Variants in EVC observed in about 807,000 individuals in gnomAD.
EVC encodes the protein evC complex member EVC.
A neutral mutation model predicts 118.9 loss-of-function variants in EVC; 116 were observed. The ratio of observed to expected loss-of-function variants is 0.98; its 90% CI spans 0.84 to 1.14. EVC has a LOEUF of 1.14. Ranked by LOEUF, EVC falls within the 50% of genes most tolerant of loss-of-function variation. EVC has a pLI of 0.00. For synonymous variants in EVC, 619 were observed against 534.7 expected, an observed-to-expected ratio of 1.16 and a Z score of -2.18; for missense variants, 1,401 against 1,246.4, an observed-to-expected ratio of 1.12 and a Z score of -1.87.
At chr4:5,810,096 C>T (rs1363416750) in intron 19 of EVC, among the ~76,000 whole-genome samples, 1 of 152,232 alleles carries the variant, frequency 6.6e-6, no homozygotes, top group Admixed American at 6.5e-5. Flanking sequence ...GGGAGCCTAG[C>T]AGACTGGAGC....
chr4:5,823,247 C>CTAT, the EVC span, among the ~76,000 whole-genome samples: 1 of 152,204 alleles, frequency 6.6e-6, no homozygotes, highest in Non-Finnish European at 1.5e-5. Context: ...CATGATTTGT[C>CTAT]TATGTAAGCC....
At chr4:5,728,159 T>G (rs1726174007) in intron 2 of EVC, among the ~76,000 whole-genome samples, 1 of 152,248 alleles carries the variant, frequency 6.6e-6, no homozygotes, top group Non-Finnish European at 1.5e-5. Context: ...TAAATTACCT[T>G]GGGCAGTATG....
intron 11 of EVC, among the ~76,000 whole-genome samples, chr4:5,772,356 G>A (rs1358164768): frequency 1.5e-5 from 2 of 135,766 alleles, no homozygotes; most frequent in Non-Finnish European, 3.2e-5. Context: ...GGAGAGAAGA[G>A]TCGTTCAAGA....
intron 11 of EVC, among the ~76,000 whole-genome samples, chr4:5,783,232 G>A (rs1010687190): frequency 1.3e-5 from 2 of 152,116 alleles, no homozygotes; most frequent in Non-Finnish European, 2.9e-5. Flanking sequence ...AAGTGTGCAT[G>A]TGTTCCTGTG....
chr4:5,759,940 G>A (rs1371759409), intron 11 of EVC, among the ~76,000 whole-genome samples: 3 of 151,022 alleles, frequency 2.0e-5, no homozygotes, highest in Non-Finnish European at 4.4e-5. Flanking sequence ...GAAGTACATT[G>A]GTTCGGTCAG....
intron 5 of EVC, among the ~76,000 whole-genome samples, chr4:5,733,853 C>G (rs1208615781): frequency 2.6e-5 from 4 of 152,224 alleles, no homozygotes; most frequent in Non-Finnish European, 5.9e-5. Flanking sequence ...TCAGCACAAC[C>G]CAGAGGGGCG....
intron 13 of EVC, among the ~76,000 whole-genome samples, chr4:5,794,335 TTATATACTTA>T (rs1173288868): frequency 2.3e-4 from 25 of 110,524 alleles, no homozygotes; most frequent in East Asian, 1.4e-3. Context: ...TTATATATAT[TTATATACTTA>T]TATATATATT....
At chr4:5,725,288 G>A (rs1220507300) in intron 2 of EVC, among the ~76,000 whole-genome samples, 1 of 152,170 alleles carries the variant, frequency 6.6e-6, no homozygotes, top group Non-Finnish European at 1.5e-5. Context: ...AGCTCTTTGA[G>A]GAATCGCCAC....
At chr4:5,773,002 G>T (rs1386396745) in intron 11 of EVC, among the ~76,000 whole-genome samples, 1 of 152,122 alleles carries the variant, frequency 6.6e-6, no homozygotes, top group Non-Finnish European at 1.5e-5. Flanking sequence ...GCCACAGCCT[G>T]GGGGGAGCAT....
At chr4:5,799,761 G>A (rs1392889011) in intron 15 of EVC, among the ~76,000 whole-genome samples, 1 of 152,200 alleles carries the variant, frequency 6.6e-6, no homozygotes, top group African/African-American at 2.4e-5. Context: ...CACTTTGCGT[G>A]TCTGTGCAGC....
intron 12 of EVC, among the ~76,000 whole-genome samples, chr4:5,787,212 C>A (rs992797511): frequency 6.6e-6 from 1 of 152,244 alleles, no homozygotes; most frequent in South Asian, 2.1e-4. Context: ...TTTCTGCTCT[C>A]AGTCCCCTTG....
chr4:5,820,349 C>CA, the EVC span, among the ~76,000 whole-genome samples: 1 of 80,364 alleles, frequency 1.2e-5, no homozygotes, highest in African/African-American at 2.3e-4. Context: ...CTATTACTAA[C>CA]AACAGCTAAT....
chr4:5,729,327 C>T lies in EVC; in HGVS notation c.321C>T (p.Asn107=), dbSNP rs757180182. The T allele has an allele frequency of 1.9e-6, 3 of 1,614,056 alleles. No homozygotes were observed. Among genetic ancestry groups the T allele is most frequent in the Non-Finnish European group, 2.5e-6 (3 of 1,180,042 alleles). The change falls in exon 3 of 21, where the codon AAC becomes AAT. Residue 107 remains asparagine (N), a synonymous_variant. Transcript: ENST00000264956. ...EAVDECEPPS[N]SNITAFALKA... is the part of the protein sequence containing the mutation. ...CCCAGGAATGTGAGCCGCCTTCCAA[C>T]AGCAATATCACAGCATTCGCCCTGA...
chr4:5,741,615 G>C lies in EVC; in HGVS notation c.703-101G>C, dbSNP rs1728586687. ...GGTGAAAGAGAAGAAAAGAAGGAGA[G>C]AGGCAGTGGGGGAGGGAGGGAGAAG... On this transcript the variant is annotated intron_variant, in intron 5 of 20. Transcript: ENST00000264956. The C allele has an allele frequency of 7.3e-6, 5 of 686,490 alleles. No homozygotes were observed. In the East Asian group the frequency reaches 1.4e-4, roughly 19 times the overall value. 42.5% of individuals were successfully genotyped at this position (686,490 alleles called of 1,614,324 possible).
the EVC span, chr4:5,826,352 G>C: frequency 4.1e-3 from 630 of 153,058 alleles, 1 homozygote; most frequent in Middle Eastern, 0.024. Context: ...GTTCCAGAAA[G>C]GGGGAAGGAG....
rs1363877828 is a variant in EVC at position 5,755,014 on chromosome 4, A to G, written c.1464+1081A>G. ...GTGGCACCACTGCAGTGAGAAGCCA[A>G]TGGAGGGGTCCCCCGAGAACAGAGG... On this transcript the variant is annotated intron_variant, in intron 10 of 20. Coordinates refer to ENST00000264956, the MANE Select transcript of EVC (RefSeq NM_153717.3). The surrounding 1 kb of genome is among the most constrained non-coding windows in gnomAD (Gnocchi z 4.1). 6.6e-6 allele frequency among the ~76,000 whole-genome samples: 1 copy of G among 151,880 alleles called. No homozygotes were observed. The highest frequency in any genetic ancestry group is 2.4e-5 in the African/African-American group (1 of 41,358).
intron 11 of EVC, among the ~76,000 whole-genome samples, chr4:5,770,034 A>C (rs1733699379): frequency 6.6e-6 from 1 of 152,040 alleles, no homozygotes; most frequent in Non-Finnish European, 1.5e-5. Context: ...CTACAGACTA[A>C]AGTCAGCCAA....
rs1193571855 is a variant in EVC at position 5,752,964 on chromosome 4, T to A, written c.1227T>A (p.Gly409=). Residue 409 remains glycine (G), a synonymous_variant, in exon 9 of 21, where the codon GGT becomes GGA. Transcript: ENST00000264956. ...CCCACGGCCTGGAGCTGCTGGCTGG[T>A]GAGGGGAAGCTGTCCGGGCGGCAGA... is the stretch of plus-strand genomic sequence containing the variant. ...AISHGLELLA[G]EGKLSGRQKE... 6.2e-7 allele frequency: 1 copy of A among 1,613,630 alleles called. No individual in the cohort carries two copies. The highest frequency in any genetic ancestry group is 1.7e-5 in the Admixed American group (1 of 59,998).
chr4:5,731,686 G>A lies in EVC; in HGVS notation c.617+29G>A. On this transcript the variant is annotated intron_variant, in intron 4 of 20. Transcript: ENST00000264956. This position sits in a 1 kb window ranked among gnomAD's most constrained non-coding sequence, Gnocchi z 5.6. ...AGGAGAGCGGGCAATGGAGGATGAG[G>A]CTTCCAGTCCTCTTGGAGTGGGCCG... The A allele has an allele frequency of 6.3e-7, 1 of 1,589,084 alleles. No homozygotes were observed. The highest frequency in any genetic ancestry group is 8.6e-7 in the Non-Finnish European group (1 of 1,161,104).
Sources: gnomAD v4.1 joint callset for allele counts (sites outside exome capture counted in the v4.1 genomes callset) on GRCh38, gnomAD v4.1.1 for gene constraint, Gnocchi (gnomAD v3.1) non-coding constraint, MANE v1.5 for transcripts, NCBI Gene and HGNC (gene_info 2026-07-23, HGNC 2026-07-21) for gene names.